The following CD109 variants were observed in gnomAD, a reference collection of about 807,000 sequenced individuals.
CD109 encodes CD109 molecule.
A neutral mutation model predicts 165.8 loss-of-function variants in CD109; 149 were observed. That is an observed-to-expected ratio of 0.90 (90% confidence interval 0.79 to 1.03). The LOEUF (loss-of-function observed/expected upper bound fraction) is 1.03. Ranked by LOEUF, CD109 falls within the 50% of genes least tolerant of loss-of-function variation. CD109 has a pLI of 0.00. For missense variants in CD109, 1,712 were observed against 1,677.8 expected (o/e 1.02, Z -0.36); for synonymous variants, 585 against 592.1 (o/e 0.99, Z 0.18).
rs2150142565 is a variant in CD109 at position 73,697,561 on chromosome 6, T to G, written c.236T>G (p.Val79Gly). The part of the protein sequence containing the change: ...LTVSVLEAEG[V>G]FEKGSFKTLT... ...GTCTCTGTCCTGGAAGCAGAAGGAG[T>G]CTTTGAAAAAGGTAAGATAAACAGC... is the stretch of plus-strand genomic sequence containing the variant. The change falls in exon 2 of 33, where the codon GTC (valine) becomes GGC (glycine). Residue 79 changes from valine to glycine, a missense_variant. Transcript: ENST00000287097. The G allele has an allele frequency of 1.2e-6, 2 of 1,612,426 alleles. No homozygotes were observed. The highest frequency in any genetic ancestry group is 1.7e-6 in the Non-Finnish European group (2 of 1,179,376).
At position 73,696,259 on chromosome 6, in the gene CD109, T is replaced by C. The variant is rs1381185491; in HGVS notation, c.44T>C (p.Val15Ala). ...CTGACCGCCGCCCACCTCCTCTGCG[T>C]GTGCACCGCCGCGCTGGCCGTGGCT... ...PLLTAAHLLC[V>A]CTAALAVAPG... Residue 15 changes from valine to alanine, a missense_variant, in exon 1 of 33, where the codon GTG becomes GCG. By Grantham distance (64) the Val-to-Ala change is moderately conservative. Coordinates refer to ENST00000287097, the MANE Select transcript of CD109 (RefSeq NM_133493.5). 7 of 1,536,864 alleles carry C rather than the reference T, an allele frequency of 4.6e-6. No individual in the cohort carries two copies. The African/African-American group carries it at 5.6e-5, about 12-fold the overall frequency.
intron 6 of CD109, among the ~76,000 whole-genome samples, chr6:73,758,551 AT>A (rs925335674): frequency 2.6e-5 from 4 of 151,600 alleles, no homozygotes; most frequent in African/African-American, 9.7e-5. Flanking sequence ...ATGCCCAACA[AT>A]TTTTGTATTT....
intron 26 of CD109, 123 bp downstream of exon 26, chr6:73,808,371 T>A: frequency 1.1e-6 from 1 of 950,508 alleles, no homozygotes; most frequent in Non-Finnish European, 1.5e-6. Flanking sequence ...GTAAAACACA[T>A]AATGAGATCA....
chr6:73,719,776 C>T (rs1771876839), intron 2 of CD109, among the ~76,000 whole-genome samples: 1 of 152,148 alleles, frequency 6.6e-6, no homozygotes, highest in East Asian at 1.9e-4. Context: ...CCATGCTTCT[C>T]TTCAACAAAT....
intron 10 of CD109, among the ~76,000 whole-genome samples, chr6:73,764,672 C>T (rs542443712): frequency 2.0e-5 from 3 of 152,136 alleles, no homozygotes; most frequent in East Asian, 1.9e-4. Flanking sequence ...AAAAATTAGG[C>T]GGGCGTGGTG....
At position 73,763,699 on chromosome 6, in the gene CD109, T is replaced by C; in HGVS notation, c.1107+14T>C. On this transcript the variant is annotated intron_variant, in intron 10 of 32. Coordinates refer to ENST00000287097, the MANE Select transcript of CD109 (RefSeq NM_133493.5). ...TTCACAGCCACTGTAAGTTGGTATA[T>C]TTATTTCCAGTCCATAGCAGTAAGT... 1 of 1,355,622 alleles carries C rather than the reference T, an allele frequency of 7.4e-7. No homozygotes were observed. Among genetic ancestry groups the C allele is most frequent in the Non-Finnish European group, 1.0e-6 (1 of 960,734 alleles). 84.0% of individuals were successfully genotyped at this position (1,355,622 alleles called of 1,614,324 possible). A position where few individuals can be genotyped will look rare whatever the true frequency, so the allele number is the denominator to read the frequency against.
At chr6:73,725,831 T>C (rs911887413) in intron 3 of CD109, among the ~76,000 whole-genome samples, 8 of 152,320 alleles carry the variant, frequency 5.3e-5, no homozygotes, top group Middle Eastern at 3.4e-3. Flanking sequence ...TTCTTTTAAG[T>C]CTTAAGTATA....
At position 73,811,124 on chromosome 6, in the gene CD109, C is replaced by A. The variant is rs370006037; in HGVS notation, c.3679C>A (p.Arg1227Ser). The change falls in exon 28 of 33, where the codon CGC becomes AGC. Residue 1227 changes from arginine to serine, a missense_variant. Physicochemically the swap from Arg to Ser is moderately radical, Grantham distance 110. Coordinates refer to ENST00000287097, the MANE Select transcript of CD109 (RefSeq NM_133493.5). ...AAAGTTTCTGATTGACACACACAAC[C>A]GCTTACTCCTTCAGACAGCAGAGGT... ...PVKFLIDTHN[R>S]LLLQTAELAV... 9.9e-6 allele frequency: 16 copies of A among 1,613,048 alleles called. No individual in the cohort carries two copies. The Admixed American group carries it at 1.7e-4, about 17-fold the overall frequency.
At chr6:73,696,338 G>C in intron 1 of CD109, 49 bp downstream of exon 1, 1 of 1,351,212 alleles carries the variant, frequency 7.4e-7, no homozygotes. Context: ...GGCCTGGGCC[G>C]CTCTGCGGCT....
the CD109 span, among the ~76,000 whole-genome samples, chr6:73,686,637 ATAAAT>A: frequency 3.9e-5 from 6 of 152,316 alleles, no homozygotes; most frequent in South Asian, 2.1e-4. Flanking sequence ...ACTTAAAAAT[ATAAAT>A]TAAATTAAAT....
rs552208613 is a variant in CD109, at chr6:73,823,719, A to G, written c.*86A>G. 1 of 1,311,878 alleles carries G rather than the reference A, an allele frequency of 7.6e-7. No homozygotes were observed. 81.3% of individuals were successfully genotyped at this position (1,311,878 alleles called of 1,614,324 possible). Reference sequence around the variant, plus strand: ...GTTTTCGTAGAAGAATACTGCTTCTATTTTGAAAAAAGAGTTTTTTTTCTT... The same window carrying G: ...GTTTTCGTAGAAGAATACTGCTTCTGTTTTGAAAAAAGAGTTTTTTTTCTT... On this transcript the variant is annotated 3_prime_UTR_variant, in exon 33 of 33. Coordinates refer to ENST00000287097, the MANE Select transcript of CD109 (RefSeq NM_133493.5).
chr6:73,818,674 C>A, intron 31 of CD109, 139 bp downstream of exon 31: 1 of 724,886 alleles, frequency 1.4e-6, no homozygotes, highest in East Asian at 2.8e-5. Context: ...AACATGGCAA[C>A]CATATATTTA....
At chr6:73,714,854 T>G (rs998184592) in intron 2 of CD109, among the ~76,000 whole-genome samples, 62 of 152,210 alleles carry the variant, frequency 4.1e-4, no homozygotes, top group African/African-American at 1.4e-3. Context: ...TCAAGATGAT[T>G]GAGATTTTGA....
At chr6:73,721,366 CTTTT>C (rs200895014) in intron 2 of CD109, among the ~76,000 whole-genome samples, 1 of 138,744 alleles carries the variant, frequency 7.2e-6, no homozygotes, top group Non-Finnish European at 1.6e-5. Flanking sequence ...ATTTTTATTT[CTTTT>C]TTTTTTTTTT....
chr6:73,683,575 G>C, the CD109 span, among the ~76,000 whole-genome samples: 105 of 152,276 alleles, frequency 6.9e-4, no homozygotes, highest in African/African-American at 2.4e-3. Context: ...CATTTCCAAA[G>C]TCACTTCAAC....
At chr6:73,767,322 C>T (rs1351248132) in intron 13 of CD109, among the ~76,000 whole-genome samples, 1 of 152,126 alleles carries the variant, frequency 6.6e-6, no homozygotes, top group Non-Finnish European at 1.5e-5. Flanking sequence ...GTTTTCTGTT[C>T]CTGCATTAGT....
At position 73,706,430 on chromosome 6, in the gene CD109, A is replaced by G. The variant is rs142961044; in HGVS notation, c.247+8858A>G. 3.9e-5 allele frequency among the ~76,000 whole-genome samples: 6 copies of G among 152,350 alleles called. No individual in the cohort carries two copies. In the East Asian group the frequency reaches 1.2e-3, roughly 29 times the overall value. ...GCTGTTTACGATGAAGATATGCCTCAGTTGAAGCTCGAGAGGACTGGGTGG... is the reference window on the plus strand; with the variant it reads ...GCTGTTTACGATGAAGATATGCCTCGGTTGAAGCTCGAGAGGACTGGGTGG... On this transcript the variant is annotated intron_variant, in intron 2 of 32. Coordinates refer to ENST00000287097, the MANE Select transcript of CD109 (RefSeq NM_133493.5).
intron 6 of CD109, among the ~76,000 whole-genome samples, chr6:73,757,253 C>G (rs773154831): frequency 2.0e-5 from 3 of 152,064 alleles, no homozygotes; most frequent in Non-Finnish European, 2.9e-5. Context: ...ATTTGAGCTT[C>G]TTTTTTGAGA....
chr6:73,797,633 T>C (rs1176226518), intron 23 of CD109, among the ~76,000 whole-genome samples: 1 of 152,238 alleles, frequency 6.6e-6, no homozygotes, highest in African/African-American at 2.4e-5. Flanking sequence ...TAGCCGACTT[T>C]ACTTCCTTTA....
Sources: allele counts gnomAD v4.1 joint callset (sites outside exome capture counted in the v4.1 genomes callset), GRCh38; gene constraint gnomAD v4.1.1; transcripts MANE v1.5; gene names NCBI Gene and HGNC (gene_info 2026-07-23, HGNC 2026-07-21).